WBP2NL: variants seen among roughly 807,000 people sequenced by gnomAD.
The protein encoded by WBP2NL is postacrosomal sheath WW domain-binding protein.
In WBP2NL, 27 loss-of-function variants were observed where a neutral mutation model predicts 23.3. That is an observed-to-expected ratio of 1.16 (90% confidence interval 0.85 to 1.60). The LOEUF is 1.60. WBP2NL is among the 40% of genes most tolerant of loss of function. WBP2NL has a pLI of 0.00. For synonymous variants in WBP2NL, 151 were observed against 145.9 expected, an observed-to-expected ratio of 1.03 and a Z score of -0.25; for missense variants, 370 against 389.5, an observed-to-expected ratio of 0.95 and a Z score of 0.42.
At chr22:42,049,815 A>G (rs1276829012) in intron 8 of WBP2NL, among the ~76,000 whole-genome samples, 1 of 151,728 alleles carries the variant, frequency 6.6e-6, no homozygotes, top group Non-Finnish European at 1.5e-5. Context: ...TAGGTTGAAT[A>G]CAAATACAAA....
chr22:42,028,986 G>A (rs1362166000), downstream of WBP2NL, among the ~76,000 whole-genome samples: 2 of 152,196 alleles, frequency 1.3e-5, no homozygotes, highest in African/African-American at 4.8e-5. Context: ...ATTGCTCCCT[G>A]GGGGGCAGTA....
At chr22:42,026,305 A>ATAC (rs1373546096) in intron 5 of WBP2NL, among the ~76,000 whole-genome samples, 1 of 142,838 alleles carries the variant, frequency 7.0e-6, no homozygotes, top group Non-Finnish European at 1.5e-5. Flanking sequence ...AATAATAATA[A>ATAC]TAATAATAAT....
At chr22:42,026,658 T>C (rs1054650969) in intron 5 of WBP2NL, 108 bp from the exon 6 acceptor site, 32 of 1,501,144 alleles carry the variant, frequency 2.1e-5, no homozygotes, top group Non-Finnish European at 2.9e-5. Flanking sequence ...CTGCCTGACT[T>C]CTCTTCTTGC....
intron 1 of WBP2NL, among the ~76,000 whole-genome samples, chr22:42,014,407 T>C (rs948619259): frequency 2.0e-5 from 3 of 151,644 alleles, no homozygotes; most frequent in African/African-American, 7.3e-5. Flanking sequence ...TTGTATTCTT[T>C]GTAGAGATAG....
intron 4 of WBP2NL, among the ~76,000 whole-genome samples, chr22:42,021,923 A>G (rs1346938421): frequency 6.6e-6 from 1 of 151,498 alleles, no homozygotes; most frequent in African/African-American, 2.4e-5. Flanking sequence ...CAGCTTCCTG[A>G]GTAGCTAGGA....
intron 1 of WBP2NL, among the ~76,000 whole-genome samples, chr22:42,011,740 GT>G (rs796452128): frequency 2.6e-4 from 38 of 147,478 alleles, no homozygotes; most frequent in Non-Finnish European, 4.1e-4. Context: ...CTTGGCATCA[GT>G]TTTTTTTTTG....
chr22:42,021,575 A>G lies in WBP2NL; in HGVS notation c.407-674A>G, dbSNP rs371387416. 6.1e-4 allele frequency among the ~76,000 whole-genome samples: 93 copies of G among 152,308 alleles called. 1 individual carries two copies. The South Asian group carries it at 0.017, about 27-fold the overall frequency. The stretch of plus-strand genomic sequence containing the variant: ...AGAGATGCAGAGGGGAGACAAGACA[A>G]AAGTGTTTTCTTCGGTACCACACTT... On this transcript the variant is annotated intron_variant, in intron 4 of 5. Coordinates refer to ENST00000328823, the MANE Select transcript of WBP2NL (RefSeq NM_152613.3).
At chr22:42,049,078 ACAAAGT>A (rs1158689303) in intron 8 of WBP2NL, among the ~76,000 whole-genome samples, 1 of 152,240 alleles carries the variant, frequency 6.6e-6, no homozygotes, top group Non-Finnish European at 1.5e-5. Context: ...ACTGAAAAGA[ACAAAGT>A]CAAAGAACTG....
At chr22:42,032,792 GT>G (rs1404904799), downstream of WBP2NL, 1 of 469,304 alleles carries the variant, frequency 2.1e-6, no homozygotes, top group Admixed American at 2.4e-5. Context: ...AAGGGGTTCT[GT>G]CAAAGGGAAA....
At chr22:42,042,598 T>G (rs1024716687) in intron 8 of WBP2NL, among the ~76,000 whole-genome samples, 1 of 152,260 alleles carries the variant, frequency 6.6e-6, no homozygotes, top group Non-Finnish European at 1.5e-5. Context: ...TCTTGTAGTT[T>G]GTGGAATTTC....
intron 1 of WBP2NL, 94 bp downstream of exon 1, chr22:41,998,974 G>T: frequency 7.0e-7 from 1 of 1,426,048 alleles, no homozygotes; most frequent in Non-Finnish European, 9.4e-7. Context: ...CAGGGACTTT[G>T]CCGCCTTTTT....
intron 8 of WBP2NL, among the ~76,000 whole-genome samples, chr22:42,040,654 C>T (rs1925368168): frequency 6.6e-6 from 1 of 152,220 alleles, no homozygotes; most frequent in Admixed American, 6.5e-5. Flanking sequence ...TTAAAATTCT[C>T]TCTGGATTTC....
chr22:42,002,088 G>T, intron 1 of WBP2NL: 1 of 425,316 alleles, frequency 2.4e-6, no homozygotes, highest in Non-Finnish European at 4.1e-6. Context: ...CGGGCTATGG[G>T]TGTCTCTCTA....
intron 4 of WBP2NL, among the ~76,000 whole-genome samples, chr22:42,021,789 C>CTTTTTTTTT (rs11413615): frequency 1.5e-5 from 2 of 132,682 alleles, no homozygotes; most frequent in African/African-American, 5.7e-5. Context: ...TTCTTTCTTT[C>CTTTTTTTTT]TTTTTTTTTT....
chr22:42,033,234 G>T (rs547176917), downstream of WBP2NL, among the ~76,000 whole-genome samples: 5 of 152,284 alleles, frequency 3.3e-5, no homozygotes, highest in Admixed American at 1.3e-4. Context: ...GGCTGCAGCT[G>T]GACCAGTCGC....
At chr22:42,042,342 G>C (rs553798789) in intron 8 of WBP2NL, among the ~76,000 whole-genome samples, 8 of 151,996 alleles carry the variant, frequency 5.3e-5, no homozygotes, top group African/African-American at 2.4e-5. Context: ...AGCTTTCTTC[G>C]TACATTTTAG....
intron 1 of WBP2NL, among the ~76,000 whole-genome samples, chr22:42,010,933 T>C (rs1227548029): frequency 6.6e-6 from 1 of 152,250 alleles, no homozygotes; most frequent in Non-Finnish European, 1.5e-5. Flanking sequence ...TGTGTTACAT[T>C]GATTCATTTT....
At chr22:42,013,452 G>A (rs133330) in intron 1 of WBP2NL, among the ~76,000 whole-genome samples, 65,098 of 151,590 alleles carry the variant, frequency 0.43, 15,066 homozygotes, top group East Asian at 0.85. Context: ...TTCCTTGTGC[G>A]TGATGAGTCA....
At chr22:42,017,107 C>G (rs1176670995) in intron 1 of WBP2NL, among the ~76,000 whole-genome samples, 2 of 152,142 alleles carry the variant, frequency 1.3e-5, no homozygotes, top group African/African-American at 4.8e-5. Flanking sequence ...TCACCTCTAC[C>G]TACTGAATGC....
Sources: allele counts gnomAD v4.1 joint callset (sites outside exome capture counted in the v4.1 genomes callset), GRCh38; gene constraint gnomAD v4.1.1; transcripts MANE v1.5; gene names NCBI Gene and HGNC (gene_info 2026-07-23, HGNC 2026-07-21).